Variants in PARD3B observed in about 807,000 individuals in gnomAD.
PARD3B encodes the protein par-3 family cell polarity regulator beta.
Under a neutral mutation model 130.2 loss-of-function variants are expected in PARD3B, and 103 were observed. The ratio of observed to expected loss-of-function variants is 0.79; its 90% confidence interval spans 0.67 to 0.93. The LOEUF is 0.93. Ranked by LOEUF, PARD3B falls within the 40% of genes least tolerant of loss-of-function variation. PARD3B has a pLI of 0.00. For missense variants in PARD3B, 1,609 were observed against 1,499.2 expected (o/e 1.07, Z -1.21); for synonymous variants, 583 against 553.2 (o/e 1.05, Z -0.76).
At chr2:205,181,123 C>T (rs2035763436) in intron 13 of PARD3B, among the ~76,000 whole-genome samples, 1 of 152,146 alleles carries the variant, frequency 6.6e-6, no homozygotes, top group South Asian at 2.1e-4. Flanking sequence ...CAAATCTGCC[C>T]AGCATCACCC....
At position 204,949,296 on chromosome 2, in the gene PARD3B, C is replaced by G. The variant is rs995599654; in HGVS notation, c.223-15856C>G. ...GTTAAACCAGTATCTTTGTCTTTGTCTTCCTTTCTTTTTCTCTTTCTTTCT... is the reference window on the plus strand; with the variant it reads ...GTTAAACCAGTATCTTTGTCTTTGTGTTCCTTTCTTTTTCTCTTTCTTTCT... On this transcript the variant is annotated intron_variant, in intron 2 of 22. Transcript: ENST00000406610. Among the ~76,000 whole-genome samples, 7 of 151,536 alleles carry G rather than the reference C, an allele frequency of 4.6e-5. No individual in the cohort carries two copies. The East Asian group carries it at 1.2e-3, about 25-fold the overall frequency.
chr2:205,257,090 C>T (rs1000880711), intron 16 of PARD3B, among the ~76,000 whole-genome samples: 4 of 151,876 alleles, frequency 2.6e-5, no homozygotes, highest in Non-Finnish European at 5.9e-5. Flanking sequence ...CAACTGTATC[C>T]AATAAAAACA....
At chr2:205,130,520 T>C (rs1339956632) in intron 10 of PARD3B, among the ~76,000 whole-genome samples, 1 of 152,168 alleles carries the variant, frequency 6.6e-6, no homozygotes, top group East Asian at 1.9e-4. Flanking sequence ...TTGCTATGTA[T>C]GTGTGTGTAC....
At position 204,664,942 on chromosome 2, in the gene PARD3B, C is replaced by T. The variant is rs2035960323; in HGVS notation, c.121-21239C>T. On this transcript the variant is annotated intron_variant, in intron 1 of 22. Coordinates refer to ENST00000406610, the MANE Select transcript of PARD3B (RefSeq NM_001302769.2). The surrounding 1 kb of genome is among the most constrained non-coding windows in gnomAD (Gnocchi z 5.2). ...GCCTAGCATTTAATAGGAACTTTGG[C>T]ATATGTAAATATTTTCTAGGTTCAG... is the stretch of plus-strand genomic sequence containing the variant. Among the ~76,000 whole-genome samples, 2 of 152,094 alleles carry T rather than the reference C, an allele frequency of 1.3e-5. No individual in the cohort carries two copies. The highest frequency in any genetic ancestry group is 2.9e-5 in the Non-Finnish European group (2 of 68,026).
chr2:204,751,108 G>A lies in PARD3B; in HGVS notation c.222+64826G>A, dbSNP rs866084828. Reference sequence around the variant, plus strand: ...ACCTGTCAGCAAGAGGTAGAAGAGCGTCATAATGAAAGGAATTGATGCTGA... The same window carrying A: ...ACCTGTCAGCAAGAGGTAGAAGAGCATCATAATGAAAGGAATTGATGCTGA... On this transcript the variant is annotated intron_variant, in intron 2 of 22. Coordinates refer to ENST00000406610, the MANE Select transcript of PARD3B (RefSeq NM_001302769.2). Among the ~76,000 whole-genome samples the A allele has an allele frequency of 4.6e-5, 7 of 152,252 alleles. No homozygotes were observed. In the East Asian group the frequency reaches 7.7e-4, roughly 17 times the overall value.
At chr2:205,056,681 A>G (rs993787087) in intron 4 of PARD3B, among the ~76,000 whole-genome samples, 7 of 152,028 alleles carry the variant, frequency 4.6e-5, no homozygotes, top group African/African-American at 1.7e-4. Flanking sequence ...ATTTCTCAAC[A>G]GATTTTTCAG....
At chr2:204,766,359 A>G (rs1219892742) in intron 2 of PARD3B, among the ~76,000 whole-genome samples, 1 of 152,190 alleles carries the variant, frequency 6.6e-6, no homozygotes, top group African/African-American at 2.4e-5. Flanking sequence ...CATTGTAGAA[A>G]ATTCAAATAT....
chr2:204,817,285 C>T (rs996737626), intron 2 of PARD3B, among the ~76,000 whole-genome samples: 3 of 151,262 alleles, frequency 2.0e-5, no homozygotes. Flanking sequence ...CAGACTATTA[C>T]CTTATTGGGC....
intron 22 of PARD3B, among the ~76,000 whole-genome samples, chr2:205,565,605 T>C (rs377704257): frequency 5.3e-5 from 8 of 152,138 alleles, no homozygotes; most frequent in African/African-American, 1.9e-4. Context: ...AATTCCTCAG[T>C]TTGTCCTTTT....
At chr2:204,717,487 GT>G (rs1305478704) in intron 2 of PARD3B, among the ~76,000 whole-genome samples, 1 of 152,070 alleles carries the variant, frequency 6.6e-6, no homozygotes, top group Non-Finnish European at 1.5e-5. Context: ...ACAAGTGACA[GT>G]TTTTTTCCTT....
At chr2:205,327,578 C>T (rs556818855) in intron 18 of PARD3B, among the ~76,000 whole-genome samples, 11 of 152,164 alleles carry the variant, frequency 7.2e-5, no homozygotes, top group Non-Finnish European at 1.2e-4. Context: ...TCTAAACGGA[C>T]AGAACTGGTA....
At chr2:205,045,369 C>G (rs577557414) in intron 3 of PARD3B, among the ~76,000 whole-genome samples, 1 of 151,874 alleles carries the variant, frequency 6.6e-6, no homozygotes, top group East Asian at 1.9e-4. Context: ...CTGCTTCAGC[C>G]TCCGAGTAGC....
At chr2:205,444,605 A>G (rs1043882057) in intron 20 of PARD3B, among the ~76,000 whole-genome samples, 6 of 152,144 alleles carry the variant, frequency 3.9e-5, no homozygotes, top group African/African-American at 1.2e-4. Flanking sequence ...ATAATTGGGG[A>G]ATGAGCTGAT....
At chr2:205,189,938 G>A (rs1393902343) in intron 14 of PARD3B, among the ~76,000 whole-genome samples, 1 of 152,138 alleles carries the variant, frequency 6.6e-6, no homozygotes, top group African/African-American at 2.4e-5. Context: ...TAACATATAT[G>A]TGTATGTATA....
intron 2 of PARD3B, among the ~76,000 whole-genome samples, chr2:204,707,107 T>C (rs2125290299): frequency 6.6e-6 from 1 of 152,290 alleles, no homozygotes; most frequent in East Asian, 1.9e-4. Flanking sequence ...ATGTCTGATA[T>C]GGCAGAGTGG....
At chr2:204,940,745 A>G (rs1688834601) in intron 2 of PARD3B, among the ~76,000 whole-genome samples, 1 of 152,142 alleles carries the variant, frequency 6.6e-6, no homozygotes, top group African/African-American at 2.4e-5. Context: ...CTTAGGTCTG[A>G]GTTGCTAAGA....
chr2:205,548,755 A>G (rs888202784), intron 21 of PARD3B, among the ~76,000 whole-genome samples: 4 of 152,186 alleles, frequency 2.6e-5, no homozygotes, highest in Non-Finnish European at 5.9e-5. Context: ...TCTGTGAAAG[A>G]TAAAATTAAT....
chr2:204,746,149 A>T (rs2040218639), intron 2 of PARD3B, among the ~76,000 whole-genome samples: 1 of 104,812 alleles, frequency 9.5e-6, no homozygotes, highest in African/African-American at 3.9e-5. Flanking sequence ...ACCCTACAAG[A>T]GGCCCCAGTG....
At chr2:204,892,257 G>C (rs1351602128) in intron 2 of PARD3B, among the ~76,000 whole-genome samples, 1 of 152,206 alleles carries the variant, frequency 6.6e-6, no homozygotes, top group African/African-American at 2.4e-5. Flanking sequence ...AGGAACACCT[G>C]TGCCTGGAGG....
Sources: allele counts gnomAD v4.1 joint callset (sites outside exome capture counted in the v4.1 genomes callset), GRCh38; gene constraint gnomAD v4.1.1; non-coding constraint Gnocchi (gnomAD v3.1); transcripts MANE v1.5; gene names NCBI Gene and HGNC (gene_info 2026-07-23, HGNC 2026-07-21).